The following THSD7B variants were observed in gnomAD, a reference collection of about 807,000 sequenced individuals.
THSD7B encodes thrombospondin type-1 domain-containing protein 7B.
Under a neutral mutation model 213.6 loss-of-function variants are expected in THSD7B, and 138 were observed. The ratio of observed to expected loss-of-function variants is 0.65; its 90% CI spans 0.56 to 0.74. THSD7B has a LOEUF of 0.74. Ranked by LOEUF, THSD7B falls within the 30% of genes least tolerant of loss-of-function variation. The pLI is 0.00. For missense variants in THSD7B, 1,931 were observed against 1,991.5 expected (o/e 0.97, Z 0.58); for synonymous variants, 742 against 687.0 (o/e 1.08, Z -1.25).
At chr2:137,271,826 G>C (rs1682745421) in intron 10 of THSD7B, among the ~76,000 whole-genome samples, 1 of 152,008 alleles carries the variant, frequency 6.6e-6, no homozygotes, top group South Asian at 2.1e-4. Context: ...ATTGATTTTT[G>C]TTGCTGATGT....
At chr2:137,626,789 A>G (rs1682640055) in intron 20 of THSD7B, among the ~76,000 whole-genome samples, 1 of 152,164 alleles carries the variant, frequency 6.6e-6, no homozygotes, top group South Asian at 2.1e-4. Context: ...TATATTCCAC[A>G]AAGCTGTAGG....
intron 1 of THSD7B, among the ~76,000 whole-genome samples, chr2:136,798,137 A>G (rs1331445121): frequency 6.6e-6 from 1 of 151,844 alleles, no homozygotes; most frequent in African/African-American, 2.4e-5. Flanking sequence ...GAGCTCTAAA[A>G]TTATACCTTT....
intron 1 of THSD7B, among the ~76,000 whole-genome samples, chr2:136,867,614 A>G (rs1448893208): frequency 1.3e-5 from 2 of 152,218 alleles, no homozygotes; most frequent in Non-Finnish European, 2.9e-5. Context: ...TTGCTGTTTA[A>G]TTAAAATCTT....
At chr2:137,039,826 T>C (rs1686847921) in intron 2 of THSD7B, among the ~76,000 whole-genome samples, 1 of 152,226 alleles carries the variant, frequency 6.6e-6, no homozygotes, top group African/African-American at 2.4e-5. Flanking sequence ...GACTCTTTGC[T>C]TTGGGTATTT....
intron 14 of THSD7B, among the ~76,000 whole-genome samples, chr2:137,434,575 C>T (rs1465661714): frequency 1.3e-5 from 2 of 152,212 alleles, no homozygotes; most frequent in South Asian, 2.1e-4. Context: ...CTTTCACGAG[C>T]TCATGGCTCC....
intron 3 of THSD7B, among the ~76,000 whole-genome samples, chr2:137,067,611 A>G (rs527559065): frequency 6.6e-6 from 1 of 152,052 alleles, no homozygotes; most frequent in Non-Finnish European, 1.5e-5. Flanking sequence ...TGTTAAGCCT[A>G]TTAAGCCTGT....
At chr2:137,052,257 T>A (rs751380553) in intron 2 of THSD7B, among the ~76,000 whole-genome samples, 4 of 152,172 alleles carry the variant, frequency 2.6e-5, no homozygotes, top group Admixed American at 6.5e-5. Flanking sequence ...TGCAGATATA[T>A]GACTCTTTAC....
chr2:137,170,626 C>T (rs1269244040), intron 6 of THSD7B, 115 bp from the exon 7 acceptor site: 18 of 908,870 alleles, frequency 2.0e-5, no homozygotes, highest in Middle Eastern at 6.8e-4. Context: ...CAAGATAATA[C>T]GTGCTTAGAG....
chr2:137,328,071 T>A (rs6737286), intron 12 of THSD7B, among the ~76,000 whole-genome samples: 2,389 of 152,332 alleles, frequency 0.016, 29 homozygotes, highest in Middle Eastern at 0.02. Flanking sequence ...GTAATTGGCA[T>A]TTTTCACTGC....
intron 15 of THSD7B, among the ~76,000 whole-genome samples, chr2:137,473,835 C>T (rs1688141950): frequency 6.6e-6 from 1 of 152,182 alleles, no homozygotes; most frequent in African/African-American, 2.4e-5. Flanking sequence ...CTGAAATTGT[C>T]TCAAGTGCTC....
At chr2:137,018,092 T>C (rs1478089186) in intron 2 of THSD7B, among the ~76,000 whole-genome samples, 2 of 152,028 alleles carry the variant, frequency 1.3e-5, no homozygotes, top group Non-Finnish European at 2.9e-5. Context: ...TGCTGTGTGT[T>C]GAAAATGTAA....
At chr2:136,844,340 C>G (rs928971455) in intron 1 of THSD7B, among the ~76,000 whole-genome samples, 1 of 152,070 alleles carries the variant, frequency 6.6e-6, no homozygotes, top group Non-Finnish European at 1.5e-5. Flanking sequence ...AGCTTAGGAA[C>G]TGGGGCCACT....
chr2:137,676,759 G>C lies in THSD7B; in HGVS notation c.*154G>C. ...AGTAATATTGCCTCAACTTCATTTGGACATGGAGTCAAGGATTATTAGGTC... is the reference window on the plus strand; with the variant it reads ...AGTAATATTGCCTCAACTTCATTTGCACATGGAGTCAAGGATTATTAGGTC... On this transcript the variant is annotated 3_prime_UTR_variant, in exon 28 of 28. Coordinates refer to ENST00000409968, the MANE Select transcript of THSD7B (RefSeq NM_001316349.2). 1 of 587,450 alleles carries C rather than the reference G, an allele frequency of 1.7e-6. No homozygotes were observed. The highest frequency in any genetic ancestry group is 2.7e-6 in the Non-Finnish European group (1 of 373,116). The allele number at this position is 587,450 out of a possible 1,614,324, so 36.4% of individuals were successfully genotyped here. A position where few individuals can be genotyped will look rare whatever the true frequency, so the allele number is the denominator to read the frequency against.
At chr2:137,280,806 C>T (rs554417358) in intron 12 of THSD7B, among the ~76,000 whole-genome samples, 3 of 152,082 alleles carry the variant, frequency 2.0e-5, no homozygotes, top group South Asian at 2.1e-4. Context: ...AATGCTAAAA[C>T]GTTAGTACTA....
Position 137,393,609 on chromosome 2 carries a change from C to T in THSD7B, c.2501-12004C>T, listed in dbSNP as rs1431113926. Among the ~76,000 whole-genome samples the T allele has an allele frequency of 3.4e-5, 5 of 145,518 alleles. No homozygotes were observed. In the South Asian group the frequency reaches 9.0e-4, roughly 26 times the overall value. On this transcript the variant is annotated intron_variant, in intron 12 of 27. Transcript: ENST00000409968. The stretch of plus-strand genomic sequence containing the variant: ...AAGTCTTTGCTATTGTGAATAATGC[C>T]TCAATAAACATATGTGTGCATGTGT...
chr2:137,673,263 C>CTT (rs77349945), intron 27 of THSD7B, among the ~76,000 whole-genome samples: 73,993 of 151,964 alleles, frequency 0.49, 20,806 homozygotes, highest in Non-Finnish European at 0.63. Flanking sequence ...AAAGAGGTAA[C>CTT]TTTAAAATGT....
chr2:136,813,149 T>A (rs1158140647), intron 1 of THSD7B, among the ~76,000 whole-genome samples: 1 of 152,240 alleles, frequency 6.6e-6, no homozygotes, highest in Admixed American at 6.5e-5. Context: ...CCTTTCTGAG[T>A]CCTCATACTT....
chr2:136,950,340 G>T (rs1339775504), intron 2 of THSD7B, among the ~76,000 whole-genome samples: 2 of 152,124 alleles, frequency 1.3e-5, no homozygotes, highest in Admixed American at 6.5e-5. Context: ...CTAGATGACA[G>T]GTTGATAGGT....
At chr2:136,954,102 A>G (rs937182821) in intron 2 of THSD7B, among the ~76,000 whole-genome samples, 2 of 152,336 alleles carry the variant, frequency 1.3e-5, no homozygotes, top group African/African-American at 4.8e-5. Context: ...GGATCCCTGT[A>G]GTCACTGAGT....
Sources: gnomAD v4.1 joint callset for allele counts (sites outside exome capture counted in the v4.1 genomes callset) on GRCh38, gnomAD v4.1.1 for gene constraint, MANE v1.5 for transcripts, NCBI Gene and HGNC (gene_info 2026-07-23, HGNC 2026-07-21) for gene names.